The following HTR4 variants were observed in gnomAD, a reference collection of about 807,000 sequenced individuals.
HTR4 encodes the protein 5-hydroxytryptamine (serotonin) receptor 4, G protein-coupled.
In HTR4, 16 loss-of-function variants were observed where a neutral mutation model predicts 36.8. The observed-to-expected ratio is 0.43, with a 90% CI of 0.29 to 0.66. HTR4 has a LOEUF of 0.66. Among genes scored for constraint, HTR4 ranks in the 30% least tolerant of loss-of-function variants. HTR4 has a pLI of 0.13. For synonymous variants in HTR4, 189 were observed against 185.1 expected, an observed-to-expected ratio of 1.02 and a Z score of -0.17; for missense variants, 438 against 490.9, an observed-to-expected ratio of 0.89 and a Z score of 1.02.
chr5:148,634,128 C>A (rs1009115693), intron 2 of HTR4, among the ~76,000 whole-genome samples: 14 of 152,098 alleles, frequency 9.2e-5, no homozygotes, highest in Admixed American at 6.6e-4. Context: ...CAACTAGGAC[C>A]ACTCTGTCTC....
chr5:148,477,887 C>A (rs1368569276), downstream of HTR4, among the ~76,000 whole-genome samples: 1 of 152,192 alleles, frequency 6.6e-6, no homozygotes, highest in East Asian at 1.9e-4. Flanking sequence ...TGCCTGACTC[C>A]TTAGAATGCT....
intron 1 of HTR4, among the ~76,000 whole-genome samples, chr5:148,647,889 T>A (rs1370092991): frequency 1.3e-5 from 2 of 152,180 alleles, no homozygotes; most frequent in Non-Finnish European, 2.9e-5. Flanking sequence ...GTTTGGGGAT[T>A]CAGACTGCCA....
chr5:148,568,381 T>C (rs1760538584), intron 2 of HTR4, among the ~76,000 whole-genome samples: 1 of 152,166 alleles, frequency 6.6e-6, no homozygotes, highest in Non-Finnish European at 1.5e-5. Context: ...GGTCTGATAA[T>C]TAATTAACCT....
At chr5:148,545,615 A>G (rs549878703) in intron 4 of HTR4, among the ~76,000 whole-genome samples, 170 of 152,370 alleles carry the variant, frequency 1.1e-3, no homozygotes, top group Non-Finnish European at 1.9e-3. Flanking sequence ...TCTGAAAGAC[A>G]TGCAGGAGAG....
chr5:148,654,444 G>C lies in HTR4; in HGVS notation c.-430C>G. On this transcript the variant is annotated 5_prime_UTR_variant, in exon 1 of 7. Transcript: ENST00000377888. ...CTCTGCCGGCAGGGCGCACAGGGGA[G>C]TGGGCACAGAGGCGGGCTGGAGCGA... The C allele has an allele frequency of 1.0e-6, 1 of 985,524 alleles. No homozygotes were observed. The highest frequency in any genetic ancestry group is 1.2e-6 in the Non-Finnish European group (1 of 830,010). 61.0% of individuals were successfully genotyped at this position (985,524 alleles called of 1,614,324 possible). A position where few individuals can be genotyped will look rare whatever the true frequency, so the allele number is the denominator to read the frequency against.
intron 1 of HTR4, among the ~76,000 whole-genome samples, chr5:148,640,507 G>A (rs1490076106): frequency 6.6e-6 from 1 of 152,212 alleles, no homozygotes; most frequent in African/African-American, 2.4e-5. Flanking sequence ...GCCACCCCAT[G>A]GGAGGAGCTT....
At chr5:148,513,469 G>C (rs577666241) in intron 5 of HTR4, among the ~76,000 whole-genome samples, 1 of 152,240 alleles carries the variant, frequency 6.6e-6, no homozygotes, top group East Asian at 1.9e-4. Flanking sequence ...ATGGCTCCAC[G>C]TTTGGATTTC....
chr5:148,566,246 C>T (rs1357006465), intron 2 of HTR4, among the ~76,000 whole-genome samples: 3 of 152,134 alleles, frequency 2.0e-5, no homozygotes, highest in Non-Finnish European at 4.4e-5. Context: ...AACAGTAAAG[C>T]ACAAGCTCAA....
At chr5:148,534,673 A>G (rs1337864328) in intron 4 of HTR4, among the ~76,000 whole-genome samples, 2 of 152,000 alleles carry the variant, frequency 1.3e-5, no homozygotes, top group African/African-American at 4.8e-5. Context: ...AGGCCAGACC[A>G]TCTCTCATGG....
intron 5 of HTR4, among the ~76,000 whole-genome samples, chr5:148,466,717 T>C (rs1228749105): frequency 6.6e-6 from 1 of 152,246 alleles, no homozygotes; most frequent in African/African-American, 2.4e-5. Flanking sequence ...AAGTAAGTCA[T>C]GTTCATCATA....
At chr5:148,629,553 C>T (rs1659144478) in intron 2 of HTR4, 1 of 152,208 alleles carries the variant, frequency 6.6e-6, no homozygotes, top group African/African-American at 2.4e-5. Context: ...ACTGATAGAG[C>T]TGGAGGCTGC....
intron 6 of HTR4, among the ~76,000 whole-genome samples, chr5:148,506,623 A>G (rs1193746253): frequency 1.3e-5 from 2 of 152,214 alleles, no homozygotes; most frequent in African/African-American, 2.4e-5. Flanking sequence ...CAATCTACCC[A>G]TCTGACAAAG....
At chr5:148,561,938 C>G (rs1422635) in intron 2 of HTR4, among the ~76,000 whole-genome samples, 25,177 of 152,192 alleles carry the variant, frequency 0.17, 2,748 homozygotes, top group African/African-American at 0.3. Context: ...CCAGTGGATA[C>G]AGCTCTCCAT....
intron 2 of HTR4, among the ~76,000 whole-genome samples, chr5:148,589,508 C>T (rs555172988): frequency 6.6e-6 from 1 of 152,212 alleles, no homozygotes; most frequent in Admixed American, 6.5e-5. Context: ...TTTTCTTCCT[C>T]TAGGAATTGT....
intron 5 of HTR4, 55 bp downstream of exon 5, chr5:148,523,138 A>G (rs1045728673): frequency 4.9e-6 from 7 of 1,437,380 alleles, no homozygotes; most frequent in Non-Finnish European, 6.7e-6. Context: ...TCATTTAGGA[A>G]CCCCATGCAA....
chr5:148,466,482 C>A (rs879886296), intron 5 of HTR4, among the ~76,000 whole-genome samples: 2 of 152,074 alleles, frequency 1.3e-5, no homozygotes, highest in African/African-American at 2.4e-5. Flanking sequence ...AAATTACAGA[C>A]CTTTTGGGGA....
Position 148,652,026 on chromosome 5 carries a change from A to G in HTR4, c.-48+2036T>C, listed in dbSNP as rs145653343. ...AAAGAAACTTGATCTATGTCACTCAATGATGCTATAGTCATTATCCAGATT... is the reference window on the plus strand; with the variant it reads ...AAAGAAACTTGATCTATGTCACTCAGTGATGCTATAGTCATTATCCAGATT... On this transcript the variant is annotated intron_variant, in intron 1 of 6. Transcript: ENST00000377888. 2.8e-3 allele frequency among the ~76,000 whole-genome samples: 421 copies of G among 152,284 alleles called. 1 individual carries two copies. Among genetic ancestry groups the G allele is most frequent in the African/African-American group, 9.5e-3 (396 of 41,570 alleles).
intron 2 of HTR4, among the ~76,000 whole-genome samples, chr5:148,559,094 T>C (rs1760079708): frequency 6.6e-6 from 1 of 152,198 alleles, no homozygotes; most frequent in African/African-American, 2.4e-5. Context: ...GAGCGTAGGT[T>C]GTTTACCTTC....
chr5:148,585,254 T>C lies in HTR4; in HGVS notation c.27-34992A>G, dbSNP rs115444958. Among the ~76,000 whole-genome samples, 571 of 152,348 alleles carry C rather than the reference T, an allele frequency of 3.7e-3. 1 individual carries two copies. The highest frequency in any genetic ancestry group is 0.013 in the African/African-American group (551 of 41,586). Reference sequence around the variant, plus strand: ...TCTCTCTGCAATTATCTGATTATTATCCATTGTTTATCCAGGGAATGTATG... The same window carrying C: ...TCTCTCTGCAATTATCTGATTATTACCCATTGTTTATCCAGGGAATGTATG... On this transcript the variant is annotated intron_variant, in intron 2 of 6. Transcript: ENST00000377888.
Sources: gnomAD v4.1 joint callset for allele counts (sites outside exome capture counted in the v4.1 genomes callset) on GRCh38, gnomAD v4.1.1 for gene constraint, MANE v1.5 for transcripts, NCBI Gene and HGNC (gene_info 2026-07-23, HGNC 2026-07-21) for gene names.